KALRN: variants seen among roughly 807,000 people sequenced by gnomAD.
KALRN encodes the protein kalirin RhoGEF kinase.
In KALRN, 70 loss-of-function variants were observed where a neutral mutation model predicts 353.7. The observed-to-expected ratio is 0.20, with a 90% CI of 0.16 to 0.24. The LOEUF is 0.24. KALRN is among the 10% of genes least tolerant of loss of function. KALRN has a pLI of 1.00. For missense variants in KALRN, 2,791 were observed against 3,756.7 expected, an observed-to-expected ratio of 0.74 and a Z score of 6.72; for synonymous variants, 1,391 against 1,434.8, an observed-to-expected ratio of 0.97 and a Z score of 0.69.
intron 33 of KALRN, among the ~76,000 whole-genome samples, chr3:124,499,617 C>T (rs997203754): frequency 3.9e-5 from 6 of 152,212 alleles, no homozygotes; most frequent in African/African-American, 7.2e-5. Flanking sequence ...AGTGATGTAG[C>T]TTCAACTCAC....
At chr3:124,678,161 T>A (rs758451388) in intron 49 of KALRN, 29 bp from the exon 50 acceptor site, 1 of 1,610,058 alleles carries the variant, frequency 6.2e-7, no homozygotes, top group South Asian at 1.1e-5. Context: ...GACCTGCCAT[T>A]TTGATTGGTG....
intron 33 of KALRN, among the ~76,000 whole-genome samples, chr3:124,513,335 G>A (rs1371995268): frequency 1.3e-5 from 2 of 152,178 alleles, no homozygotes; most frequent in African/African-American, 4.8e-5. Context: ...GTGGGAGAGA[G>A]AAGCAGACGT....
intron 1 of KALRN, among the ~76,000 whole-genome samples, chr3:124,064,194 G>T (rs1017767475): frequency 6.6e-6 from 1 of 152,202 alleles, no homozygotes; most frequent in Non-Finnish European, 1.5e-5. Context: ...TACAGATCCT[G>T]CAGTGGGGTC....
At chr3:124,277,047 T>G (rs2148997852) in intron 5 of KALRN, among the ~76,000 whole-genome samples, 1 of 152,344 alleles carries the variant, frequency 6.6e-6, no homozygotes, top group South Asian at 2.1e-4. Flanking sequence ...TGGTGGCATG[T>G]GCCAGGAACC....
At chr3:124,498,801 G>A (rs1372972706) in intron 33 of KALRN, among the ~76,000 whole-genome samples, 1 of 151,958 alleles carries the variant, frequency 6.6e-6, no homozygotes, top group African/African-American at 2.4e-5. Flanking sequence ...TGTGTCCTCC[G>A]TGACTGCACT....
intron 19 of KALRN, among the ~76,000 whole-genome samples, chr3:124,445,944 C>G (rs995204329): frequency 1.3e-5 from 2 of 152,262 alleles, no homozygotes; most frequent in African/African-American, 4.8e-5. Context: ...GAACTCTCAT[C>G]AATGGGCTCT....
At chr3:124,567,831 C>T (rs960173948) in intron 34 of KALRN, among the ~76,000 whole-genome samples, 2 of 152,072 alleles carry the variant, frequency 1.3e-5, no homozygotes, top group African/African-American at 2.4e-5. Context: ...AAAAATTAGC[C>T]GGGCATAGTG....
chr3:124,643,006 A>G (rs1708307), intron 37 of KALRN, among the ~76,000 whole-genome samples: 35,347 of 151,232 alleles, frequency 0.23, 4,422 homozygotes, highest in East Asian at 0.47. Context: ...TAGTAGAGAC[A>G]GGGTTTCTCC....
chr3:124,101,861 G>A (rs994062491), intron 1 of KALRN, among the ~76,000 whole-genome samples: 1 of 152,044 alleles, frequency 6.6e-6, no homozygotes, highest in African/African-American at 2.4e-5. Context: ...AGCCTGCCAT[G>A]GACTCTGGAT....
intron 36 of KALRN, among the ~76,000 whole-genome samples, chr3:124,635,716 G>A (rs1469547739): frequency 2.6e-5 from 4 of 152,010 alleles, no homozygotes; most frequent in African/African-American, 7.3e-5. Context: ...TCTTATGTGT[G>A]TACGTTTTAC....
chr3:124,713,545 T>G (rs179581), intron 58 of KALRN, among the ~76,000 whole-genome samples: 91,651 of 151,886 alleles, frequency 0.6, 27,861 homozygotes, highest in East Asian at 0.75. Flanking sequence ...AGCAACTCCA[T>G]TCTACCACCC....
chr3:124,442,196 G>C, intron 19 of KALRN, 137 bp downstream of exon 19: 1 of 527,156 alleles, frequency 1.9e-6, no homozygotes, highest in Non-Finnish European at 3.4e-6. Flanking sequence ...ATGTGGGATG[G>C]TGTGGGCAGT....
intron 1 of KALRN, among the ~76,000 whole-genome samples, chr3:124,143,370 T>C (rs2066877405): frequency 6.6e-6 from 1 of 152,318 alleles, no homozygotes; most frequent in Non-Finnish European, 1.5e-5. Flanking sequence ...GAAGTACCAG[T>C]CTAATGGGGC....
In KALRN at chr3:124,121,479, G is replaced by A. The variant is rs139513523; in HGVS notation, c.73+87666G>A. ...AGAGGGCATTTTAAGTTTTTCAGAG[G>A]ATATCATTGCCATGTCTACAGTACT... is the stretch of plus-strand genomic sequence containing the variant. On this transcript the variant is annotated intron_variant, in intron 1 of 59. Transcript: ENST00000682506. Among the ~76,000 whole-genome samples the A allele has an allele frequency of 4.0e-3, 615 of 152,186 alleles. 5 individuals carry two copies. The highest frequency in any genetic ancestry group is 0.014 in the Middle Eastern group (4 of 294).
intron 12 of KALRN, 73 bp from the exon 13 acceptor site, chr3:124,398,624 A>G: frequency 5.0e-6 from 7 of 1,400,360 alleles, no homozygotes; most frequent in Non-Finnish European, 7.1e-6. Flanking sequence ...GATGAGGAAG[A>G]TCCCCCTCCT....
At chr3:124,553,048 G>A (rs1561276454) in intron 33 of KALRN, among the ~76,000 whole-genome samples, 3 of 152,174 alleles carry the variant, frequency 2.0e-5, no homozygotes, top group Admixed American at 6.5e-5. Context: ...TTACAGGCGT[G>A]AGCCACCGCG....
At position 124,400,212 on chromosome 3, in the gene KALRN, C is replaced by T. The variant is rs370823636; in HGVS notation, c.2346+1341C>T. Among the ~76,000 whole-genome samples, 6 of 152,182 alleles carry T rather than the reference C, an allele frequency of 3.9e-5. No homozygotes were observed. In the South Asian group the frequency reaches 1.2e-3, roughly 32 times the overall value. On this transcript the variant is annotated intron_variant, in intron 13 of 59. Transcript: ENST00000682506. ...GTACAAGAGACTATCTTGGGAACAG[C>T]TACCCTTTGCTTTAATCCTAGGTCC...
chr3:124,572,867 G>A (rs767035818), intron 34 of KALRN, among the ~76,000 whole-genome samples: 3 of 152,002 alleles, frequency 2.0e-5, no homozygotes, highest in African/African-American at 2.4e-5. Context: ...GCGAGACCCC[G>A]TCTCTAGGAA....
At chr3:124,580,145 C>A in intron 34 of KALRN, among the ~76,000 whole-genome samples, 1 of 152,198 alleles carries the variant, frequency 6.6e-6, no homozygotes, top group Non-Finnish European at 1.5e-5. Context: ...CAGGCCCCAC[C>A]CCAGACCTAC....
Sources: allele counts gnomAD v4.1 joint callset (sites outside exome capture counted in the v4.1 genomes callset), GRCh38; gene constraint gnomAD v4.1.1; transcripts MANE v1.5; gene names NCBI Gene and HGNC (gene_info 2026-07-23, HGNC 2026-07-21).